Variants in PRKAG2 observed in about 807,000 individuals in gnomAD.
The protein encoded by PRKAG2 is 5'-AMP-activated protein kinase subunit gamma-2.
In PRKAG2, 26 loss-of-function variants were observed where a neutral mutation model predicts 69.6. That is an observed-to-expected ratio of 0.37 (90% CI 0.27 to 0.52). The LOEUF is 0.52. PRKAG2 is among the 20% of genes least tolerant of loss of function. PRKAG2 has a pLI of 0.90. For missense variants in PRKAG2, 557 were observed against 740.0 expected (o/e 0.75, Z 2.87); for synonymous variants, 293 against 285.0 (o/e 1.03, Z -0.28).
chr7:151,727,426 C>T (rs1257570003), intron 3 of PRKAG2, among the ~76,000 whole-genome samples: 3 of 152,010 alleles, frequency 2.0e-5, no homozygotes, highest in Non-Finnish European at 4.4e-5. Flanking sequence ...ACGGGAGCCC[C>T]GTGGGGAGGA....
At chr7:151,792,906 A>G (rs1019308899) in intron 1 of PRKAG2, among the ~76,000 whole-genome samples, 2 of 152,178 alleles carry the variant, frequency 1.3e-5, no homozygotes. Context: ...CGTGTCCCTC[A>G]GGCCCACAAG....
At chr7:151,559,063 G>C (rs1804382170) in intron 15 of PRKAG2, 1 of 985,260 alleles carries the variant, frequency 1.0e-6, no homozygotes, top group Non-Finnish European at 1.2e-6. Flanking sequence ...TATACCTGTG[G>C]GGATAAATCT....
intron 1 of PRKAG2, among the ~76,000 whole-genome samples, chr7:151,832,703 G>A (rs558854128): frequency 6.6e-5 from 10 of 151,950 alleles, no homozygotes; most frequent in East Asian, 1.9e-4. Context: ...GGCCGCTCTC[G>A]GGTACTCTCC....
rs150632324 is a variant in PRKAG2 at position 151,575,099 on chromosome 7, T to C, written c.947-150A>G. On this transcript the variant is annotated intron_variant, in intron 7 of 15. Coordinates refer to ENST00000287878, the MANE Select transcript of PRKAG2 (RefSeq NM_016203.4). ...GAGTTTAATATATTATTTAAAACTA[T>C]TGATGTGTTAATTGTGTATACCAAA... 293 of 1,234,136 alleles carry C rather than the reference T, an allele frequency of 2.4e-4. 1 individual carries two copies. In the African/African-American group the frequency reaches 3.6e-3, roughly 15 times the overall value. The allele number at this position is 1,234,136 out of a possible 1,614,324, so 76.4% of individuals were successfully genotyped here.
At position 151,608,791 on chromosome 7, in the gene PRKAG2, T is replaced by A. The variant is rs983215465; in HGVS notation, c.755-13337A>T. On this transcript the variant is annotated intron_variant, in intron 5 of 15. Coordinates refer to ENST00000287878, the MANE Select transcript of PRKAG2 (RefSeq NM_016203.4). Reference sequence around the variant, plus strand: ...CTTTATAAGATTAAAGGATTACCTTTATATTCCTTTATAAGATTAAAGGAT... The same window carrying A: ...CTTTATAAGATTAAAGGATTACCTTAATATTCCTTTATAAGATTAAAGGAT... Among the ~76,000 whole-genome samples, 13 of 151,696 alleles carry A rather than the reference T, an allele frequency of 8.6e-5. No homozygotes were observed. The South Asian group carries it at 1.5e-3, about 17-fold the overall frequency.
At chr7:151,786,589 CA>C (rs1563673520) in intron 1 of PRKAG2, 48 bp from the exon 2 acceptor site, 9 of 1,496,494 alleles carry the variant, frequency 6.0e-6, no homozygotes, top group Non-Finnish European at 8.3e-6. Flanking sequence ...CCCTCGGGCC[CA>C]GGGGCTGCAT....
rs147626597 is a variant in PRKAG2, at chr7:151,871,712, G to C, written c.114+4795C>G. 5.0e-3 allele frequency among the ~76,000 whole-genome samples: 765 copies of C among 152,274 alleles called. 4 individuals are homozygous for C. Among genetic ancestry groups the C allele is most frequent in the African/African-American group, 0.017 (711 of 41,554 alleles). ...CCCCTAAAATGGATTCTTCCTTCCT[G>C]GTGTCCCAAAGCCTAGATGGGCTGT... On this transcript the variant is annotated intron_variant, in intron 1 of 15. Transcript: ENST00000287878.
intron 3 of PRKAG2, among the ~76,000 whole-genome samples, chr7:151,704,097 A>G (rs187581633): frequency 1.3e-5 from 2 of 152,104 alleles, no homozygotes; most frequent in African/African-American, 2.4e-5. Flanking sequence ...AGGTGTATAT[A>G]TTTATGGGGT....
intron 1 of PRKAG2, among the ~76,000 whole-genome samples, chr7:151,827,273 C>G (rs1389678568): frequency 6.6e-6 from 1 of 152,166 alleles, no homozygotes; most frequent in Non-Finnish European, 1.5e-5. Flanking sequence ...GGGTCTCACT[C>G]TGTTGCCTAG....
intron 2 of PRKAG2, among the ~76,000 whole-genome samples, chr7:151,785,655 C>T (rs1309835400): frequency 6.6e-6 from 1 of 152,230 alleles, no homozygotes; most frequent in East Asian, 1.9e-4. Flanking sequence ...TGTACGTAGC[C>T]CCCAGATCAC....
chr7:151,629,023 G>C (rs375293464), intron 5 of PRKAG2, among the ~76,000 whole-genome samples: 57 of 152,328 alleles, frequency 3.7e-4, no homozygotes, highest in Non-Finnish European at 6.8e-4. Context: ...CACAGGCACA[G>C]TGAGGGAGAC....
At chr7:151,622,702 G>A (rs1821824796) in intron 5 of PRKAG2, among the ~76,000 whole-genome samples, 1 of 152,162 alleles carries the variant, frequency 6.6e-6, no homozygotes, top group Non-Finnish European at 1.5e-5. Flanking sequence ...CATTTCTCAG[G>A]AACAGGGATA....
chr7:151,611,166 G>A (rs1276984609), intron 5 of PRKAG2, among the ~76,000 whole-genome samples: 1 of 152,186 alleles, frequency 6.6e-6, no homozygotes, highest in African/African-American at 2.4e-5. Flanking sequence ...ATGCGTGCAG[G>A]GTGGGAGCAG....
At chr7:151,675,711 G>GAC (rs1832817279) in intron 3 of PRKAG2, 74 bp from the exon 4 acceptor site, 1 of 1,424,776 alleles carries the variant, frequency 7.0e-7, no homozygotes, top group African/African-American at 1.5e-5. Flanking sequence ...CAGAGGTCTG[G>GAC]TCTCCAGGAA....
At position 151,780,676 on chromosome 7, in the gene PRKAG2, A is replaced by T; in HGVS notation, c.466+476T>A. Among the ~76,000 whole-genome samples, 1 of 152,166 alleles carries T rather than the reference A, an allele frequency of 6.6e-6. No homozygotes were observed. The highest frequency in any genetic ancestry group is 3.2e-3 in the Middle Eastern group (1 of 316). On this transcript the variant is annotated intron_variant, in intron 3 of 15. Coordinates refer to ENST00000287878, the MANE Select transcript of PRKAG2 (RefSeq NM_016203.4). This position sits in a 1 kb window ranked among gnomAD's most constrained non-coding sequence, Gnocchi z 4.2. ...CCTGCTGCCCAGAGCCCCAAACAGA[A>T]AAAGTTAGGATTTGCCAGAAACAGG...
chr7:151,787,344 C>T (rs777456413), intron 1 of PRKAG2, among the ~76,000 whole-genome samples: 3 of 152,122 alleles, frequency 2.0e-5, no homozygotes, highest in East Asian at 1.9e-4. Flanking sequence ...CAAACCAAAA[C>T]GCTGTTCCCA....
chr7:151,793,714 GC>G (rs1030289178), intron 1 of PRKAG2, among the ~76,000 whole-genome samples: 1 of 152,234 alleles, frequency 6.6e-6, no homozygotes, highest in African/African-American at 2.4e-5. Context: ...CGGGGGAGGT[GC>G]CTCTGGACAG....
At chr7:151,759,016 C>T (rs1185520937) in intron 3 of PRKAG2, among the ~76,000 whole-genome samples, 2 of 152,162 alleles carry the variant, frequency 1.3e-5, no homozygotes, top group South Asian at 2.1e-4. Context: ...AGACATCTCT[C>T]TGCATTGCAT....
chr7:151,670,899 T>C (rs951273569), intron 4 of PRKAG2, among the ~76,000 whole-genome samples: 4 of 79,342 alleles, frequency 5.0e-5, no homozygotes, highest in Admixed American at 1.3e-4. Context: ...TGGCCGCGCG[T>C]GGTTGGCTCA....
Sources: gnomAD v4.1 joint callset for allele counts (sites outside exome capture counted in the v4.1 genomes callset) on GRCh38, gnomAD v4.1.1 for gene constraint, Gnocchi (gnomAD v3.1) non-coding constraint, MANE v1.5 for transcripts, NCBI Gene and HGNC (gene_info 2026-07-23, HGNC 2026-07-21) for gene names.